Variants in GALNT13 observed in about 807,000 individuals in gnomAD.
GALNT13 encodes the protein polypeptide N-acetylgalactosaminyltransferase 13, also known as UDP-GalNAc:polypeptide N-acetylgalactosaminyltransferase 13.
GALNT13 carries 28 observed loss-of-function variants against 64.2 expected under a neutral mutation model. The ratio of observed to expected loss-of-function variants is 0.44; its 90% CI spans 0.32 to 0.60. The LOEUF is 0.60. Among genes scored for constraint, GALNT13 ranks in the 20% least tolerant of loss-of-function variants. The pLI is 0.05. For missense variants in GALNT13, 577 were observed against 669.8 expected (o/e 0.86, Z 1.53); for synonymous variants, 214 against 224.6 (o/e 0.95, Z 0.42).
At chr2:153,301,801 A>C in the GALNT13 span, among the ~76,000 whole-genome samples, 5 of 151,926 alleles carry the variant, frequency 3.3e-5, no homozygotes, top group African/African-American at 1.2e-4. Flanking sequence ...CACTTAACAT[A>C]ATGTCCTCCA....
chr2:153,373,051 T>C, the GALNT13 span, among the ~76,000 whole-genome samples: 4 of 152,182 alleles, frequency 2.6e-5, no homozygotes, highest in Non-Finnish European at 4.4e-5. Flanking sequence ...GAGGTTGATA[T>C]GACTTTCACA....
the GALNT13 span, among the ~76,000 whole-genome samples, chr2:153,196,221 A>G: frequency 2.6e-5 from 4 of 152,068 alleles, no homozygotes; most frequent in Non-Finnish European, 5.9e-5. Flanking sequence ...CCAGGAGCCT[A>G]TCTGCCTCAT....
chr2:153,699,713 C>T, the GALNT13 span, among the ~76,000 whole-genome samples: 28 of 152,262 alleles, frequency 1.8e-4, no homozygotes, highest in Non-Finnish European at 2.5e-4. Context: ...GCTAGAAACA[C>T]CTCTATGCAA....
the GALNT13 span, among the ~76,000 whole-genome samples, chr2:153,855,725 A>G: frequency 2.0e-5 from 3 of 152,130 alleles, no homozygotes; most frequent in Non-Finnish European, 4.4e-5. Flanking sequence ...CAGCAATTTC[A>G]CTCCTAGGTA....
At chr2:153,904,379 C>A (rs2105300020) in intron 2 of GALNT13, among the ~76,000 whole-genome samples, 1 of 151,990 alleles carries the variant, frequency 6.6e-6, no homozygotes, top group South Asian at 2.1e-4. Flanking sequence ...TGCATGCAAT[C>A]TTTCAACTTT....
chr2:153,577,423 TA>T, the GALNT13 span, among the ~76,000 whole-genome samples: 1 of 152,016 alleles, frequency 6.6e-6, no homozygotes, highest in Non-Finnish European at 1.5e-5. Flanking sequence ...TCCAATTAAT[TA>T]AAAAAATCCC....
At chr2:153,781,054 A>T in the GALNT13 span, among the ~76,000 whole-genome samples, 1 of 152,214 alleles carries the variant, frequency 6.6e-6, no homozygotes, top group African/African-American at 2.4e-5. Context: ...TTAGGTATTA[A>T]CAGAGTGAAG....
chr2:153,662,988 C>T, the GALNT13 span, among the ~76,000 whole-genome samples: 1 of 152,096 alleles, frequency 6.6e-6, no homozygotes, highest in African/African-American at 2.4e-5. Context: ...AGGTGCTCCC[C>T]AACTCTTTTG....
the GALNT13 span, among the ~76,000 whole-genome samples, chr2:153,345,651 C>CTTT: frequency 2.6e-3 from 335 of 129,626 alleles, 1 homozygote; most frequent in African/African-American, 9.4e-3. Flanking sequence ...TTCTTTCTTT[C>CTTT]TTTCTTTCTT....
chr2:153,152,962 C>A, the GALNT13 span, among the ~76,000 whole-genome samples: 1 of 152,008 alleles, frequency 6.6e-6, no homozygotes, highest in Non-Finnish European at 1.5e-5. Context: ...TTTCTATCTT[C>A]AGGTTTTTGA....
chr2:153,427,956 T>C, the GALNT13 span, among the ~76,000 whole-genome samples: 1 of 152,202 alleles, frequency 6.6e-6, no homozygotes, highest in African/African-American at 2.4e-5. Flanking sequence ...AGTGAATAAA[T>C]AAGTTTGTTT....
chr2:154,127,659 T>C (rs1005720032), intron 3 of GALNT13, among the ~76,000 whole-genome samples: 1 of 150,604 alleles, frequency 6.6e-6, no homozygotes, highest in African/African-American at 2.4e-5. Context: ...TAGATATGGA[T>C]ATATATGGTC....
At chr2:153,506,865 C>T in the GALNT13 span, among the ~76,000 whole-genome samples, 4 of 152,136 alleles carry the variant, frequency 2.6e-5, no homozygotes, top group Non-Finnish European at 5.9e-5. Flanking sequence ...CTTCAGGCTG[C>T]CTGTATTTGG....
At chr2:153,837,352 GTTGT>G in the GALNT13 span, among the ~76,000 whole-genome samples, 10 of 151,972 alleles carry the variant, frequency 6.6e-5, no homozygotes, top group Admixed American at 1.3e-4. Flanking sequence ...TTTTGATGGG[GTTGT>G]TTGTTTTTTT....
rs187059906 is a variant in GALNT13, at chr2:153,949,113, C to T, written c.142+4474C>T. 4.6e-5 allele frequency among the ~76,000 whole-genome samples: 7 copies of T among 152,146 alleles called. No homozygotes were observed. In the East Asian group the frequency reaches 1.4e-3, roughly 29 times the overall value. ...GTATTGAGCATAGTAACATGTTATA[C>T]AAGTTTGTAGCCTAGGAGCAATAGG... On this transcript the variant is annotated intron_variant, in intron 3 of 12. Coordinates refer to ENST00000392825, the MANE Select transcript of GALNT13 (RefSeq NM_052917.4).
chr2:154,206,514 G>A (rs1369516271), intron 4 of GALNT13, among the ~76,000 whole-genome samples: 3 of 151,942 alleles, frequency 2.0e-5, no homozygotes, highest in African/African-American at 7.2e-5. Context: ...AGGAACGGGG[G>A]TCGGGCGCGG....
At chr2:153,140,501 A>G in the GALNT13 span, among the ~76,000 whole-genome samples, 1 of 152,070 alleles carries the variant, frequency 6.6e-6, no homozygotes, top group Admixed American at 6.6e-5. Flanking sequence ...AAAGTCCAGG[A>G]TTCAAATTGA....
At chr2:153,607,298 G>C in the GALNT13 span, among the ~76,000 whole-genome samples, 1 of 152,046 alleles carries the variant, frequency 6.6e-6, no homozygotes, top group Non-Finnish European at 1.5e-5. Context: ...ATATTTATTG[G>C]TGCCTTCTAC....
intron 9 of GALNT13, among the ~76,000 whole-genome samples, chr2:154,304,716 A>T (rs779183976): frequency 6.6e-6 from 1 of 152,208 alleles, no homozygotes; most frequent in Non-Finnish European, 1.5e-5. Flanking sequence ...CACAATAGGG[A>T]CTGTTTGTAT....
Sources: allele counts gnomAD v4.1 joint callset (sites outside exome capture counted in the v4.1 genomes callset), GRCh38; gene constraint gnomAD v4.1.1; transcripts MANE v1.5; gene names NCBI Gene and HGNC (gene_info 2026-07-23, HGNC 2026-07-21).